The following OSBPL10 variants were observed in gnomAD, a reference collection of about 807,000 sequenced individuals.
OSBPL10 encodes oxysterol binding protein like 10.
A neutral mutation model predicts 81.7 loss-of-function variants in OSBPL10; 49 were observed. That is an observed-to-expected ratio of 0.60 (90% CI 0.48 to 0.76). The LOEUF (loss-of-function observed/expected upper bound fraction) is 0.76. Among genes scored for constraint, OSBPL10 ranks in the 30% least tolerant of loss-of-function variants. OSBPL10 has a pLI of 0.00. For missense variants in OSBPL10, 923 were observed against 987.8 expected, an observed-to-expected ratio of 0.93 and a Z score of 0.88; for synonymous variants, 419 against 383.6, an observed-to-expected ratio of 1.09 and a Z score of -1.08.
intron 3 of OSBPL10, among the ~76,000 whole-genome samples, chr3:31,834,880 T>C (rs1575574294): frequency 6.6e-6 from 1 of 152,180 alleles, no homozygotes; most frequent in Non-Finnish European, 1.5e-5. Flanking sequence ...CTCCAACACT[T>C]GCAAGCTGTG....
Position 32,055,064 on chromosome 3 carries a change from C to T in OSBPL10, n.186-8461G>A, listed in dbSNP as rs1252324126. ...CTGAAATGTTCATGAATATCAAGAA[C>T]AGGAGTTAACTGCATGGACTAAGCT... On this transcript the variant is annotated intron_variant and non_coding_transcript_variant, in intron 1 of 3. Transcript: ENST00000479173. 2.0e-5 allele frequency among the ~76,000 whole-genome samples: 3 copies of T among 151,916 alleles called. No homozygotes were observed. The East Asian group carries it at 5.8e-4, about 29-fold the overall frequency.
intron 1 of OSBPL10, among the ~76,000 whole-genome samples, chr3:31,913,421 T>C (rs1559515664): frequency 6.6e-6 from 1 of 152,030 alleles, no homozygotes; most frequent in Non-Finnish European, 1.5e-5. Context: ...GCTAATTTTT[T>C]GTATTTTTAG....
intron 1 of OSBPL10, among the ~76,000 whole-genome samples, chr3:31,936,782 T>C (rs1282560893): frequency 6.6e-6 from 1 of 152,100 alleles, no homozygotes; most frequent in Non-Finnish European, 1.5e-5. Flanking sequence ...GTGTTTAAAT[T>C]CCCCAAAGGA....
intron 2 of OSBPL10, among the ~76,000 whole-genome samples, chr3:32,023,532 T>C (rs1699376327): frequency 3.9e-5 from 6 of 152,168 alleles, no homozygotes; most frequent in Admixed American, 3.9e-4. Context: ...GAATGTCCCT[T>C]GAAGGAACTC....
At chr3:31,776,973 T>C (rs1297999862) in intron 4 of OSBPL10, among the ~76,000 whole-genome samples, 1 of 152,096 alleles carries the variant, frequency 6.6e-6, no homozygotes, top group East Asian at 1.9e-4. Context: ...TTTTAAAAAA[T>C]GTTTACAAAG....
At chr3:31,856,012 TAAA>T (rs1700902807) in intron 3 of OSBPL10, among the ~76,000 whole-genome samples, 1 of 151,052 alleles carries the variant, frequency 6.6e-6, no homozygotes, top group African/African-American at 2.4e-5. Context: ...TGTTTTTTCC[TAAA>T]AATATATATA....
At chr3:32,038,414 G>C (rs560294923) in intron 2 of OSBPL10, among the ~76,000 whole-genome samples, 1 of 152,108 alleles carries the variant, frequency 6.6e-6, no homozygotes, top group Non-Finnish European at 1.5e-5. Context: ...TCCGGCTCCC[G>C]GGTTCAAGTG....
At chr3:31,817,324 T>C (rs1246198112) in intron 4 of OSBPL10, among the ~76,000 whole-genome samples, 2 of 151,986 alleles carry the variant, frequency 1.3e-5, no homozygotes, top group East Asian at 1.9e-4. Context: ...TGCTCCAGGA[T>C]TGGAGAGGGC....
intron 1 of OSBPL10, among the ~76,000 whole-genome samples, chr3:31,971,301 C>T (rs1007831723): frequency 6.6e-6 from 1 of 151,918 alleles, no homozygotes; most frequent in Non-Finnish European, 1.5e-5. Context: ...CCACCATGCC[C>T]GCTAATTGTT....
At chr3:31,769,567 T>C (rs910200671) in intron 4 of OSBPL10, among the ~76,000 whole-genome samples, 3 of 146,300 alleles carry the variant, frequency 2.1e-5, no homozygotes, top group East Asian at 3.9e-4. Flanking sequence ...ATTTTTATAT[T>C]ATAACTCATT....
chr3:31,991,196 A>T, intron 2 of OSBPL10: 1 of 555,322 alleles, frequency 1.8e-6, no homozygotes, highest in Non-Finnish European at 3.2e-6. Flanking sequence ...CTGTAATCCC[A>T]GCACTGTGGG....
intron 1 of OSBPL10, among the ~76,000 whole-genome samples, chr3:31,951,414 T>C (rs1321754462): frequency 1.3e-5 from 2 of 151,892 alleles, no homozygotes; most frequent in African/African-American, 2.4e-5. Flanking sequence ...TATACAAAGG[T>C]GAAGGAATGA....
chr3:31,674,583 T>TTAGATAGATAGA (rs55696700), intron 8 of OSBPL10, among the ~76,000 whole-genome samples: 142 of 147,956 alleles, frequency 9.6e-4, no homozygotes, highest in Middle Eastern at 3.4e-3. Flanking sequence ...GATAGATAGA[T>TTAGATAGATAGA]TAGATAGATA....
chr3:32,039,554 G>A (rs967285728), intron 2 of OSBPL10, among the ~76,000 whole-genome samples: 5 of 151,716 alleles, frequency 3.3e-5, no homozygotes, highest in Admixed American at 1.3e-4. Context: ...AGCTTCCCGG[G>A]AGGCTAAGGC....
rs140782910 is a variant in OSBPL10 at position 31,683,823 on chromosome 3, C to T, written c.1537G>A (p.Glu513Lys). The change falls in exon 8 of 12, where the codon GAA becomes AAA. Residue 513 changes from glutamate to lysine, a missense_variant. Physicochemically the swap from Glu to Lys is moderately conservative, Grantham distance 56 (BLOSUM62 1). This residue lies in a region of OSBPL10 where 387 missense variants were observed against 436.3 expected (regional missense o/e 0.89). Coordinates refer to ENST00000396556, the MANE Select transcript of OSBPL10 (RefSeq NM_017784.5). ...TASRSPASCH[E>K]HPMADDPSKS... ...GAAGGGTCATCGGCCATTGGGTGTTCGTGACAGCTGGCAGGAGAGCGGGAA... is the reference window on the plus strand; with the variant it reads ...GAAGGGTCATCGGCCATTGGGTGTTTGTGACAGCTGGCAGGAGAGCGGGAA... 4.0e-5 allele frequency: 65 copies of T among 1,614,196 alleles called. No homozygotes were observed. The highest frequency in any genetic ancestry group is 3.8e-4 in the Admixed American group (23 of 60,020).
chr3:31,684,290 GA>G (rs1249196980), intron 7 of OSBPL10, among the ~76,000 whole-genome samples, 176 bp from the exon 8 acceptor site: 1 of 152,214 alleles, frequency 6.6e-6, no homozygotes, highest in East Asian at 1.9e-4. Context: ...AAAGAAATGA[GA>G]AGTGGCAGTG....
At chr3:31,860,077 T>C (rs1440112186) in intron 3 of OSBPL10, among the ~76,000 whole-genome samples, 3 of 152,136 alleles carry the variant, frequency 2.0e-5, no homozygotes, top group Non-Finnish European at 2.9e-5. Context: ...CCTGCGCACA[T>C]TGGAACCAGC....
chr3:31,933,028 T>C (rs1697290926), intron 1 of OSBPL10, among the ~76,000 whole-genome samples: 1 of 152,196 alleles, frequency 6.6e-6, no homozygotes, highest in Admixed American at 6.5e-5. Flanking sequence ...ATTTCTCCTT[T>C]CCAACAAATA....
chr3:31,871,719 C>T (rs1042536177), intron 3 of OSBPL10, among the ~76,000 whole-genome samples: 5 of 152,038 alleles, frequency 3.3e-5, no homozygotes, highest in Admixed American at 6.6e-5. Flanking sequence ...AAAAATTAGC[C>T]GGGGATGATG....
Sources: allele counts gnomAD v4.1 joint callset (sites outside exome capture counted in the v4.1 genomes callset), GRCh38; gene constraint gnomAD v4.1.1; regional missense constraint gnomAD v4.1.1; transcripts MANE v1.5; gene names NCBI Gene and HGNC (gene_info 2026-07-23, HGNC 2026-07-21).